Variants in JAKMIP3 observed in about 807,000 individuals in gnomAD.
JAKMIP3 encodes the protein janus kinase and microtubule-interacting protein 3.
In JAKMIP3, 58 loss-of-function variants were observed where a neutral mutation model predicts 118.5. The observed-to-expected ratio is 0.49, with a 90% CI of 0.40 to 0.61. JAKMIP3 has a LOEUF of 0.61. JAKMIP3 is among the 20% of genes least tolerant of loss of function. The pLI, the probability that JAKMIP3 is intolerant of heterozygous loss-of-function variation, is 0.00. For missense variants in JAKMIP3, 950 were observed against 1,109.0 expected, an observed-to-expected ratio of 0.86 and a Z score of 2.04; for synonymous variants, 486 against 451.2, an observed-to-expected ratio of 1.08 and a Z score of -0.98.
chr10:132,115,936 C>T (rs932710924), intron 2 of JAKMIP3, among the ~76,000 whole-genome samples: 1 of 152,202 alleles, frequency 6.6e-6, no homozygotes, highest in Non-Finnish European at 1.5e-5. Flanking sequence ...GGGCATTGGG[C>T]CGGATGTGCT....
Position 132,180,594 on chromosome 10 carries a change from T to TGC in JAKMIP3, c.*1104-1762_*1104-1761insCG, listed in dbSNP as rs1326512996. Among the ~76,000 whole-genome samples the TGC allele has an allele frequency of 6.9e-4, 17 of 24,598 alleles. 2 individuals carry two copies. Among genetic ancestry groups the TGC allele is most frequent in the East Asian group, 1.5e-3 (1 of 646 alleles). The allele number at this position is 24,598 out of a possible 152,430, so 16.1% of individuals were successfully genotyped here. On this transcript the variant is annotated intron_variant, in intron 23 of 23. Transcript: ENST00000684848. ...GTGTGTGTGTGCGTGCGCGTGTGTG[T>TGC]GTGCGTGCGCGTGTGTGTGTGCGTG...
In JAKMIP3 at chr10:132,182,650, G is replaced by C. The variant is rs2061594194; in HGVS notation, c.*1397G>C. On this transcript the variant is annotated 3_prime_UTR_variant, in exon 24 of 24. Coordinates refer to ENST00000684848, the MANE Select transcript of JAKMIP3 (RefSeq NM_001323087.2). The stretch of plus-strand genomic sequence containing the variant: ...AGCCATTTCGAGGCACCTAGAAGTT[G>C]AGGCAGCCAGCTGTGCAGCCAGGTG... The C allele has an allele frequency of 2.0e-5, 3 of 152,228 alleles. No individual in the cohort carries two copies. The highest frequency in any genetic ancestry group is 2.0e-4 in the Admixed American group (3 of 15,288). 9.4% of individuals were successfully genotyped at this position (152,228 alleles called of 1,614,324 possible). A position where few individuals can be genotyped will look rare whatever the true frequency, so the allele number is the denominator to read the frequency against.
Position 132,104,782 on chromosome 10 carries a change from GCATCCCCCTGGC to G in JAKMIP3, c.-21_-10del. The G allele has an allele frequency of 6.5e-7, 1 of 1,545,468 alleles. No individual in the cohort carries two copies. The highest frequency in any genetic ancestry group is 2.5e-5 in the East Asian group (1 of 40,792). On this transcript the variant is annotated 5_prime_UTR_variant, in exon 2 of 24. Coordinates refer to ENST00000684848, the MANE Select transcript of JAKMIP3 (RefSeq NM_001323087.2). The stretch of plus-strand genomic sequence containing the variant: ...CCCAGCCGGAGCACCCTACCCCTGG[GCATCCCCCTGGC>G]CATCCAGCCTCACCATGTCCAAGAG...
At chr10:132,161,203 T>TG (rs1270121992) in intron 19 of JAKMIP3, among the ~76,000 whole-genome samples, 1 of 5,624 alleles carries the variant, frequency 1.8e-4, no homozygotes, top group African/African-American at 5.3e-4. Flanking sequence ...TGTGTGATGC[T>TG]GGGGGACCTC....
At chr10:132,087,721 T>C (rs1026255273) in intron 1 of JAKMIP3, among the ~76,000 whole-genome samples, 2 of 151,786 alleles carry the variant, frequency 1.3e-5, no homozygotes, top group African/African-American at 4.8e-5. Context: ...TTTTTTTTTT[T>C]TTATACTTTA....
At chr10:132,071,201 A>C (rs9419177) in intron 1 of JAKMIP3, among the ~76,000 whole-genome samples, 14,718 of 139,910 alleles carry the variant, frequency 0.11, 874 homozygotes, top group East Asian at 0.33. Context: ...GTTTTAATCC[A>C]GATGTTTCCT....
At chr10:132,061,900 A>G (rs2133853010), upstream of JAKMIP3, among the ~76,000 whole-genome samples, 1 of 152,384 alleles carries the variant, frequency 6.6e-6, no homozygotes, top group African/African-American at 2.4e-5. Flanking sequence ...AAAAACTGCA[A>G]AGACTAGCTG....
At chr10:132,174,048 C>T (rs2059911978) in intron 23 of JAKMIP3, among the ~76,000 whole-genome samples, 1 of 149,396 alleles carries the variant, frequency 6.7e-6, no homozygotes, top group Non-Finnish European at 1.5e-5. Context: ...TGTGGTGTGC[C>T]TGTGGTGGTC....
chr10:132,170,320 A>G (rs1203740708), intron 23 of JAKMIP3: 2 of 152,234 alleles, frequency 1.3e-5, no homozygotes, highest in African/African-American at 4.8e-5. Flanking sequence ...CCACAGCACA[A>G]CAACACACAC....
chr10:132,152,848 C>T lies in JAKMIP3; in HGVS notation c.2008-110C>T, dbSNP rs1305460812. On this transcript the variant is annotated intron_variant, in intron 16 of 23. Transcript: ENST00000684848. Reference sequence around the variant, plus strand: ...GCACTTTTTAGCTCTGGCCCCCACCCAGGCGTCCCCAGTCAGCCTCCCCAG... The same window carrying T: ...GCACTTTTTAGCTCTGGCCCCCACCTAGGCGTCCCCAGTCAGCCTCCCCAG... The T allele has an allele frequency of 1.1e-5, 9 of 796,098 alleles. No homozygotes were observed. In the Admixed American group the frequency reaches 1.9e-4, roughly 17 times the overall value. The allele number at this position is 796,098 out of a possible 1,614,324, so 49.3% of individuals were successfully genotyped here.
intron 2 of JAKMIP3, among the ~76,000 whole-genome samples, chr10:132,107,352 T>C (rs1051623844): frequency 6.6e-6 from 1 of 152,168 alleles, no homozygotes; most frequent in Non-Finnish European, 1.5e-5. Flanking sequence ...CGCTCCTTGA[T>C]GGTCAACAGG....
intron 1 of JAKMIP3, among the ~76,000 whole-genome samples, chr10:132,091,350 T>C (rs577878741): frequency 2.6e-5 from 4 of 152,166 alleles, no homozygotes; most frequent in African/African-American, 9.7e-5. Flanking sequence ...CTTTCTGTCT[T>C]GTTGATCTGT....
chr10:132,079,339 C>A (rs1010316296), intron 1 of JAKMIP3, among the ~76,000 whole-genome samples: 1 of 152,214 alleles, frequency 6.6e-6, no homozygotes, highest in Non-Finnish European at 1.5e-5. Flanking sequence ...CAGGCTCTGG[C>A]CCCACTGCCT....
intron 3 of JAKMIP3, among the ~76,000 whole-genome samples, chr10:132,129,874 C>A (rs1333274145): frequency 9.7e-6 from 1 of 103,176 alleles, no homozygotes; most frequent in African/African-American, 4.7e-5. Context: ...GGCATCAGTA[C>A]CTTTTTTTTT....
At chr10:132,166,679 C>A (rs1028030850) in intron 21 of JAKMIP3, among the ~76,000 whole-genome samples, 18 of 152,212 alleles carry the variant, frequency 1.2e-4, no homozygotes, top group African/African-American at 3.9e-4. Flanking sequence ...GAGACCCAGT[C>A]CCCGGGAGGC....
chr10:132,152,429 G>A (rs1485114958), intron 16 of JAKMIP3, among the ~76,000 whole-genome samples: 1 of 152,182 alleles, frequency 6.6e-6, no homozygotes, highest in Non-Finnish European at 1.5e-5. Context: ...TACCCAGAAG[G>A]GCCACCCAGG....
At chr10:132,098,571 G>A (rs896649266) in intron 1 of JAKMIP3, among the ~76,000 whole-genome samples, 1 of 152,166 alleles carries the variant, frequency 6.6e-6, no homozygotes, top group African/African-American at 2.4e-5. Context: ...AGCGTCCATC[G>A]CAGTGGCCAC....
intron 17 of JAKMIP3, 64 bp from the exon 18 acceptor site, chr10:132,153,695 G>A (rs2056627183): frequency 2.0e-6 from 3 of 1,504,968 alleles, no homozygotes; most frequent in Non-Finnish European, 2.8e-6. Context: ...TCTCCCAGCT[G>A]TCTCCACGAG....
At chr10:132,094,934 G>A (rs777940919) in intron 1 of JAKMIP3, among the ~76,000 whole-genome samples, 1 of 152,094 alleles carries the variant, frequency 6.6e-6, no homozygotes, top group Admixed American at 6.5e-5. Context: ...GGTGAGATTC[G>A]CAGGTTAATG....
Sources: allele counts gnomAD v4.1 joint callset (sites outside exome capture counted in the v4.1 genomes callset), GRCh38; gene constraint gnomAD v4.1.1; transcripts MANE v1.5; gene names NCBI Gene and HGNC (gene_info 2026-07-23, HGNC 2026-07-21).